The following RAB11A variants were observed in gnomAD, a reference collection of about 807,000 sequenced individuals.
RAB11A encodes RAB11A, member RAS oncogene family.
RAB11A carries 9 observed loss-of-function variants against 28.0 expected under a neutral mutation model. The ratio of observed to expected loss-of-function variants is 0.32; its 90% CI spans 0.19 to 0.56. The LOEUF (loss-of-function observed/expected upper bound fraction) is 0.56. Ranked by LOEUF, RAB11A falls within the 20% of genes least tolerant of loss-of-function variation. RAB11A has a pLI of 0.91. For missense variants in RAB11A, 108 were observed against 269.6 expected (o/e 0.40, Z 4.20); for synonymous variants, 85 against 88.2 (o/e 0.96, Z 0.20).
At chr15:65,874,730 A>G (rs2141101764) in intron 1 of RAB11A, among the ~76,000 whole-genome samples, 1 of 152,078 alleles carries the variant, frequency 6.6e-6, no homozygotes, top group East Asian at 1.9e-4. Flanking sequence ...GGAGGTCAAA[A>G]GGGAGGAAAC....
chr15:65,871,840 A>G (rs998860864), intron 1 of RAB11A, among the ~76,000 whole-genome samples: 1 of 151,684 alleles, frequency 6.6e-6, no homozygotes, highest in Non-Finnish European at 1.5e-5. Flanking sequence ...GAATTAAATA[A>G]TGAGACTGTT....
At chr15:65,878,680 A>AAAAAC (rs752914626) in intron 3 of RAB11A, among the ~76,000 whole-genome samples, 2 of 152,234 alleles carry the variant, frequency 1.3e-5, no homozygotes, top group Non-Finnish European at 2.9e-5. Flanking sequence ...TCCGTCCCAA[A>AAAAAC]AAAACAAAAC....
At chr15:65,869,873 C>T (rs1396830403) in intron 1 of RAB11A, 1 of 365,522 alleles carries the variant, frequency 2.7e-6, no homozygotes, top group East Asian at 4.1e-5. Context: ...CCCTGCGTGT[C>T]CTTCCCCTGG....
chr15:65,877,952 G>T lies in RAB11A; in HGVS notation c.427G>T (p.Ala143Ser). The T allele has an allele frequency of 6.2e-7, 1 of 1,611,644 alleles. No individual in the cohort carries two copies. The highest frequency in any genetic ancestry group is 8.5e-7 in the Non-Finnish European group (1 of 1,177,812). Residue 143 changes from alanine to serine, a missense_variant, in exon 3 of 5, where the codon GCA (alanine) becomes TCA (serine). Physicochemically the swap from Ala to Ser is moderately conservative, Grantham distance 99. Coordinates refer to ENST00000261890, the MANE Select transcript of RAB11A (RefSeq NM_004663.5). This position sits in a 1 kb window ranked among gnomAD's most constrained non-coding sequence, Gnocchi z 4.1. ...AVPTDEARAFAEKNGLSFIET... is the reference protein window; with the variant it reads ...AVPTDEARAFSEKNGLSFIET... ...TCCTACAGATGAAGCAAGAGCTTTT[G>T]CAGGTTAGTGATAGGAATTCCATGA...
Position 65,891,899 on chromosome 15 carries a change from T to C in RAB11A, c.*4059T>C, listed in dbSNP as rs1259588556. On this transcript the variant is annotated 3_prime_UTR_variant, in exon 5 of 5. Transcript: ENST00000261890. Reference sequence around the variant, plus strand: ...ATGTTAACTGTAAATTGAGAACTGCTTGTTTTATGGCTTTTGCTGTTAAAA... The same window carrying C: ...ATGTTAACTGTAAATTGAGAACTGCCTGTTTTATGGCTTTTGCTGTTAAAA... 1 of 152,238 alleles carries C rather than the reference T, an allele frequency of 6.6e-6. No individual in the cohort carries two copies. Among genetic ancestry groups the C allele is most frequent in the African/African-American group, 2.4e-5 (1 of 41,478 alleles). 9.4% of individuals were successfully genotyped at this position (152,238 alleles called of 1,614,324 possible). A position where few individuals can be genotyped will look rare whatever the true frequency, so the allele number is the denominator to read the frequency against.
intron 4 of RAB11A, among the ~76,000 whole-genome samples, chr15:65,882,509 GC>G (rs2078229289): frequency 6.6e-6 from 1 of 152,178 alleles, no homozygotes; most frequent in Admixed American, 6.5e-5. Context: ...GAATTCCTGA[GC>G]TCAAGCCATC....
Position 65,887,745 on chromosome 15 carries a change from G to A in RAB11A, c.556G>A (p.Glu186Lys). Residue 186 changes from glutamate to lysine, a missense_variant, in exon 5 of 5, where the codon GAA (glutamate) becomes AAA (lysine). By Grantham distance (56) the Glu-to-Lys change is moderately conservative (BLOSUM62 1). Coordinates refer to ENST00000261890, the MANE Select transcript of RAB11A (RefSeq NM_004663.5). ...VSQKQMSDRR[E>K]NDMSPSNNVV... ...TCAGAAGCAAATGTCAGACAGACGC[G>A]AAAATGACATGTCTCCAAGCAACAA... is the stretch of plus-strand genomic sequence containing the variant. 2 of 1,613,356 alleles carry A rather than the reference G, an allele frequency of 1.2e-6. No homozygotes were observed. Among genetic ancestry groups the A allele is most frequent in the South Asian group, 1.1e-5 (1 of 90,960 alleles).
intron 1 of RAB11A, among the ~76,000 whole-genome samples, chr15:65,870,534 G>T (rs942828097): frequency 6.6e-6 from 1 of 152,236 alleles, no homozygotes; most frequent in Non-Finnish European, 1.5e-5. Context: ...ATGAGGTTGC[G>T]GATGGGTGGT....
rs75724883 is a variant in RAB11A, at chr15:65,887,960, C to T, written c.*120C>T. 9.4e-3 allele frequency: 10,270 copies of T among 1,098,000 alleles called. 109 individuals are homozygous for T. The highest frequency in any genetic ancestry group is 0.05 in the South Asian group (1,956 of 39,374). 68.0% of individuals were successfully genotyped at this position (1,098,000 alleles called of 1,614,324 possible). The stretch of plus-strand genomic sequence containing the variant: ...TATTACTTCATACTTATGAATTTTT[C>T]CATGTCCTAAGTCTTTTGATTTTAG... On this transcript the variant is annotated 3_prime_UTR_variant, in exon 5 of 5. Coordinates refer to ENST00000261890, the MANE Select transcript of RAB11A (RefSeq NM_004663.5).
chr15:65,870,816 C>G (rs1386106170), intron 1 of RAB11A, among the ~76,000 whole-genome samples: 2 of 151,404 alleles, frequency 1.3e-5, no homozygotes, highest in East Asian at 1.9e-4. Flanking sequence ...ATTGGAGGGT[C>G]AGGGTTGGTT....
intron 1 of RAB11A, among the ~76,000 whole-genome samples, chr15:65,875,045 CAAAAA>C (rs369670961): frequency 6.6e-6 from 1 of 150,986 alleles, no homozygotes; most frequent in Non-Finnish European, 1.5e-5. Flanking sequence ...GACCCTGTCT[CAAAAA>C]AAGAAAGAAA....
In RAB11A at chr15:65,890,583, C is replaced by T. The variant is rs753690672; in HGVS notation, c.*2743C>T. Reference sequence around the variant, plus strand: ...TCTGAAGGGTTCTGCAGAAAAGTTACACTTCTTGAGTTTGGGTTGCCCATC... The same window carrying T: ...TCTGAAGGGTTCTGCAGAAAAGTTATACTTCTTGAGTTTGGGTTGCCCATC... On this transcript the variant is annotated 3_prime_UTR_variant, in exon 5 of 5. Transcript: ENST00000261890. The T allele has an allele frequency of 2.6e-5, 4 of 152,174 alleles. No individual in the cohort carries two copies. Among genetic ancestry groups the T allele is most frequent in the Non-Finnish European group, 4.4e-5 (3 of 68,018 alleles). The allele number at this position is 152,174 out of a possible 1,614,324, so 9.4% of individuals were successfully genotyped here.
chr15:65,879,462 C>A (rs1048243864), intron 3 of RAB11A, among the ~76,000 whole-genome samples: 15 of 152,114 alleles, frequency 9.9e-5, no homozygotes, highest in African/African-American at 3.6e-4. Context: ...GCTGGGCAAC[C>A]TAGTGAGACC....
intron 1 of RAB11A, among the ~76,000 whole-genome samples, chr15:65,872,140 G>A (rs781135877): frequency 4.6e-5 from 7 of 151,482 alleles, no homozygotes; most frequent in Non-Finnish European, 4.4e-5. Context: ...TTTTTGTAAA[G>A]ACAGGGTTTT....
Position 65,869,551 on chromosome 15 carries a change from C to G in RAB11A, c.-35C>G. The stretch of plus-strand genomic sequence containing the variant: ...ACGCCCCCTGGTCCCACAGATACCA[C>G]TGCTGCTCCCGCCCTTTCGCTCCTC... On this transcript the variant is annotated 5_prime_UTR_variant, in exon 1 of 5. Transcript: ENST00000261890. 4.4e-6 allele frequency: 7 copies of G among 1,607,018 alleles called. No homozygotes were observed. The highest frequency in any genetic ancestry group is 5.9e-6 in the Non-Finnish European group (7 of 1,178,604).
At chr15:65,871,814 C>T (rs2078162574) in intron 1 of RAB11A, among the ~76,000 whole-genome samples, 1 of 151,360 alleles carries the variant, frequency 6.6e-6, no homozygotes, top group South Asian at 2.1e-4. Flanking sequence ...AAAATACCTG[C>T]CTCTTAAGAT....
chr15:65,876,128 T>G (rs552014778), intron 1 of RAB11A, among the ~76,000 whole-genome samples: 2 of 152,354 alleles, frequency 1.3e-5, no homozygotes, highest in African/African-American at 4.8e-5. Context: ...TTTGAAATTC[T>G]TAAGCGTAAT....
In RAB11A at chr15:65,869,491, A is replaced by C; in HGVS notation, c.-95A>C. 1 of 1,531,152 alleles carries C rather than the reference A, an allele frequency of 6.5e-7. No individual in the cohort carries two copies. Among genetic ancestry groups the C allele is most frequent in the Non-Finnish European group, 8.8e-7 (1 of 1,136,654 alleles). The allele number at this position is 1,531,152 out of a possible 1,614,324, so 94.8% of individuals were successfully genotyped here. On this transcript the variant is annotated 5_prime_UTR_variant, in exon 1 of 5. Transcript: ENST00000261890. ...GGAGGGGCTCTTCACCCAGTCCGGC[A>C]GTTGAAGCTCGGCGCTCGGGTTACC...
chr15:65,882,479 A>T (rs2078229068), intron 4 of RAB11A, among the ~76,000 whole-genome samples: 1 of 152,222 alleles, frequency 6.6e-6, no homozygotes, highest in Non-Finnish European at 1.5e-5. Flanking sequence ...AAAAATTGAG[A>T]TGGAGCCCAG....
Sources: allele counts gnomAD v4.1 joint callset (sites outside exome capture counted in the v4.1 genomes callset), GRCh38; gene constraint gnomAD v4.1.1; non-coding constraint Gnocchi (gnomAD v3.1); transcripts MANE v1.5; gene names NCBI Gene and HGNC (gene_info 2026-07-23, HGNC 2026-07-21).